Variants in SWT1 observed in about 807,000 individuals in gnomAD.
SWT1 encodes the protein SWT1 RNA endoribonuclease homolog.
In SWT1, 33 loss-of-function variants were observed where a neutral mutation model predicts 107.3. The observed-to-expected ratio is 0.31, with a 90% CI of 0.23 to 0.41. SWT1 has a LOEUF of 0.41. Ranked by LOEUF, SWT1 falls within the 10% of genes least tolerant of loss-of-function variation. SWT1 has a pLI of 1.00. For synonymous variants in SWT1, 345 were observed against 348.3 expected, an observed-to-expected ratio of 0.99 and a Z score of 0.11; for missense variants, 898 against 1,028.9, an observed-to-expected ratio of 0.87 and a Z score of 1.74.
At chr1:185,212,671 T>C (rs1658912492) in intron 13 of SWT1, among the ~76,000 whole-genome samples, 1 of 151,878 alleles carries the variant, frequency 6.6e-6, no homozygotes, top group African/African-American at 2.4e-5. Flanking sequence ...GGCGTGGTGG[T>C]GGGTGCCTAT....
chr1:185,285,556 AT>A (rs1043958773), intron 18 of SWT1, among the ~76,000 whole-genome samples: 4 of 152,052 alleles, frequency 2.6e-5, no homozygotes, highest in African/African-American at 7.2e-5. Context: ...TTATTTATGT[AT>A]TTTTTTCTTG....
At chr1:185,252,673 T>A (rs919633119) in intron 16 of SWT1, among the ~76,000 whole-genome samples, 29 of 152,026 alleles carry the variant, frequency 1.9e-4, no homozygotes, top group Non-Finnish European at 3.2e-4. Flanking sequence ...TTGTAGATTC[T>A]GGATATTAGC....
At chr1:185,180,524 G>A in intron 6 of SWT1, 74 bp downstream of exon 6, 1 of 1,067,610 alleles carries the variant, frequency 9.4e-7, no homozygotes, top group South Asian at 1.3e-5. Flanking sequence ...AAAAAATAAT[G>A]ACTGTAGAAA....
chr1:185,251,943 C>T (rs963090702), intron 16 of SWT1, among the ~76,000 whole-genome samples: 1 of 151,848 alleles, frequency 6.6e-6, no homozygotes, highest in Non-Finnish European at 1.5e-5. Context: ...ATCCCTCCCC[C>T]CTCCACCCAC....
chr1:185,224,935 T>G (rs1357752952), intron 15 of SWT1, among the ~76,000 whole-genome samples: 1 of 152,152 alleles, frequency 6.6e-6, no homozygotes, highest in Non-Finnish European at 1.5e-5. Flanking sequence ...TTCTTTCCAA[T>G]TTGGATGCCC....
chr1:185,160,998 C>G, intron 2 of SWT1, 73 bp downstream of exon 2: 2 of 1,045,848 alleles, frequency 1.9e-6, no homozygotes, highest in Non-Finnish European at 2.9e-6. Context: ...ATACACCTTA[C>G]TATTATAATG....
intron 16 of SWT1, among the ~76,000 whole-genome samples, chr1:185,254,608 G>A (rs1487201571): frequency 2.0e-5 from 3 of 151,460 alleles, no homozygotes; most frequent in Non-Finnish European, 1.5e-5. Context: ...TTGTATTTCT[G>A]TGGGATTGGT....
chr1:185,157,622 T>TTAGG (rs1653728347), intron 1 of SWT1: 1 of 152,458 alleles, frequency 6.6e-6, no homozygotes, highest in Non-Finnish European at 1.5e-5. Flanking sequence ...TGACTTGGAA[T>TTAGG]TAGGGTCTGT....
intron 15 of SWT1, chr1:185,227,630 C>T (rs896046121): frequency 2.7e-5 from 15 of 554,744 alleles, no homozygotes; most frequent in African/African-American, 1.9e-5. Context: ...TTTACCTTCT[C>T]GTCGTCTTCT....
At chr1:185,173,237 A>T (rs1655239189) in intron 4 of SWT1, among the ~76,000 whole-genome samples, 1 of 152,226 alleles carries the variant, frequency 6.6e-6, no homozygotes, top group Non-Finnish European at 1.5e-5. Flanking sequence ...AAGCTTATTA[A>T]CATTATTTTG....
At chr1:185,261,632 T>C (rs1663021485) in intron 16 of SWT1, among the ~76,000 whole-genome samples, 1 of 151,764 alleles carries the variant, frequency 6.6e-6, no homozygotes, top group Admixed American at 6.6e-5. Context: ...GCACAAGGGT[T>C]CCAATTTCTC....
intron 2 of SWT1, among the ~76,000 whole-genome samples, chr1:185,163,799 T>G (rs1654356171): frequency 6.6e-6 from 1 of 152,260 alleles, no homozygotes. Context: ...AGTCTTGAAC[T>G]GCTCAAAGTC....
chr1:185,256,889 G>GT (rs916554330), intron 16 of SWT1, among the ~76,000 whole-genome samples: 2 of 152,114 alleles, frequency 1.3e-5, no homozygotes, highest in African/African-American at 4.8e-5. Flanking sequence ...TTTCTGTTCT[G>GT]TTTTTTCCCC....
chr1:185,247,058 A>G (rs1272258497), intron 16 of SWT1, among the ~76,000 whole-genome samples: 1 of 152,150 alleles, frequency 6.6e-6, no homozygotes, highest in African/African-American at 2.4e-5. Context: ...CCTTATTATT[A>G]TTACCTTCAG....
At chr1:185,212,877 A>G (rs942808804) in intron 13 of SWT1, among the ~76,000 whole-genome samples, 2 of 152,036 alleles carry the variant, frequency 1.3e-5, no homozygotes, top group African/African-American at 2.4e-5. Context: ...CTTGTGTACT[A>G]TCTTTTAATA....
intron 17 of SWT1, among the ~76,000 whole-genome samples, chr1:185,273,395 ACT>A (rs1333121185): frequency 2.6e-5 from 4 of 151,222 alleles, no homozygotes; most frequent in African/African-American, 4.9e-5. Context: ...ACAGAGTGAG[ACT>A]CTGTCTCAAA....
At chr1:185,252,113 A>G (rs1488248579) in intron 16 of SWT1, among the ~76,000 whole-genome samples, 1 of 152,196 alleles carries the variant, frequency 6.6e-6, no homozygotes, top group Admixed American at 6.5e-5. Context: ...ACATGAACTC[A>G]TCATTTTTTA....
At chr1:185,268,459 T>A (rs577391512) in intron 16 of SWT1, among the ~76,000 whole-genome samples, 1 of 152,316 alleles carries the variant, frequency 6.6e-6, no homozygotes, top group South Asian at 2.1e-4. Flanking sequence ...CTGTGCCTGG[T>A]CAGGATTTGT....
At chr1:185,159,413 C>G (rs10911686) in intron 1 of SWT1, among the ~76,000 whole-genome samples, 12,967 of 152,218 alleles carry the variant, frequency 0.085, 693 homozygotes, top group African/African-American at 0.15. Flanking sequence ...CTGTCATCCA[C>G]TAACAGTATT....
Sources: gnomAD v4.1 joint callset for allele counts (sites outside exome capture counted in the v4.1 genomes callset) on GRCh38, gnomAD v4.1.1 for gene constraint, MANE v1.5 for transcripts, NCBI Gene and HGNC (gene_info 2026-07-23, HGNC 2026-07-21) for gene names.